The following PHF24 variants were observed in gnomAD, a reference collection of about 807,000 sequenced individuals.
PHF24 encodes Galpha inhibitory interacting protein.
PHF24 carries 25 observed loss-of-function variants against 42.6 expected under a neutral mutation model. That is an observed-to-expected ratio of 0.59 (90% CI 0.43 to 0.82). PHF24 has a LOEUF of 0.82. Ranked by LOEUF, PHF24 falls within the 40% of genes least tolerant of loss-of-function variation. The probability of loss-of-function intolerance (pLI) is 0.00; values close to 1 mark genes in which losing one functional copy is unlikely to be tolerated. For synonymous variants in PHF24, 185 were observed against 204.8 expected (o/e 0.90, Z 0.83); for missense variants, 470 against 538.1 (o/e 0.87, Z 1.25).
the PHF24 span, among the ~76,000 whole-genome samples, chr9:34,831,746 C>T: frequency 6.6e-6 from 1 of 152,184 alleles, no homozygotes; most frequent in Non-Finnish European, 1.5e-5. Context: ...AGGCCCTTCT[C>T]CATTTTCTAC....
the PHF24 span, among the ~76,000 whole-genome samples, chr9:34,936,121 C>T: frequency 0.036 from 5,482 of 151,888 alleles, 160 homozygotes; most frequent in Non-Finnish European, 0.05. Context: ...GATGCCGAGC[C>T]GAAGCTGGAC....
chr9:34,675,231 C>T, the PHF24 span, among the ~76,000 whole-genome samples: 2 of 151,954 alleles, frequency 1.3e-5, no homozygotes, highest in African/African-American at 4.8e-5. Flanking sequence ...AGGGGGCGTC[C>T]AGTGCCTAGG....
chr9:34,751,217 TAGCC>T, the PHF24 span, among the ~76,000 whole-genome samples: 3 of 151,810 alleles, frequency 2.0e-5, no homozygotes, highest in Non-Finnish European at 4.4e-5. Context: ...ATACAAAAAT[TAGCC>T]AGGCATGGTG....
At chr9:34,966,901 C>T (rs1460729276) in intron 1 of PHF24, among the ~76,000 whole-genome samples, 1 of 152,092 alleles carries the variant, frequency 6.6e-6, no homozygotes, top group African/African-American at 2.4e-5. Context: ...AAAAAGAATG[C>T]TCCAATCAAT....
intron 1 of PHF24, among the ~76,000 whole-genome samples, chr9:34,961,601 G>T (rs1358223029): frequency 6.6e-6 from 1 of 152,152 alleles, no homozygotes; most frequent in Non-Finnish European, 1.5e-5. Context: ...GGGAAATTAT[G>T]GCATTACAGA....
the PHF24 span, among the ~76,000 whole-genome samples, chr9:34,822,962 C>T: frequency 4.6e-5 from 7 of 150,806 alleles, no homozygotes; most frequent in East Asian, 5.8e-4. Context: ...TTTGGGAGGC[C>T]GAGGCGGGTG....
chr9:34,688,845 G>C, the PHF24 span, among the ~76,000 whole-genome samples: 1 of 152,226 alleles, frequency 6.6e-6, no homozygotes, highest in African/African-American at 2.4e-5. Flanking sequence ...GTGCCAAGCA[G>C]CATGCTGGAC....
At chr9:34,705,941 A>G in the PHF24 span, among the ~76,000 whole-genome samples, 1 of 152,124 alleles carries the variant, frequency 6.6e-6, no homozygotes, top group Non-Finnish European at 1.5e-5. Flanking sequence ...CGAAGTTATA[A>G]CCACATTCAC....
chr9:34,707,574 C>A, the PHF24 span, among the ~76,000 whole-genome samples: 3 of 152,296 alleles, frequency 2.0e-5, no homozygotes, highest in South Asian at 6.2e-4. Flanking sequence ...CCTGTCTTCA[C>A]CTGCTGCAAG....
the PHF24 span, among the ~76,000 whole-genome samples, chr9:34,911,198 A>G: frequency 2.0e-5 from 3 of 152,082 alleles, no homozygotes; most frequent in African/African-American, 7.2e-5. Flanking sequence ...AAAAAAAACT[A>G]TAAAGTTGTC....
At chr9:34,736,133 G>A in the PHF24 span, among the ~76,000 whole-genome samples, 3 of 151,750 alleles carry the variant, frequency 2.0e-5, no homozygotes, top group African/African-American at 4.8e-5. Flanking sequence ...TATCCGACAC[G>A]AAACAGAAAG....
At chr9:34,894,986 G>C in the PHF24 span, 1 of 398,282 alleles carries the variant, frequency 2.5e-6, no homozygotes, top group African/African-American at 2.1e-5. Flanking sequence ...GTCAGGATCC[G>C]TGGGAACCTC....
At chr9:34,785,409 G>C in the PHF24 span, among the ~76,000 whole-genome samples, 1 of 152,150 alleles carries the variant, frequency 6.6e-6, no homozygotes, top group African/African-American at 2.4e-5. Context: ...ATGAATTTTG[G>C]AGGGGAACCA....
the PHF24 span, among the ~76,000 whole-genome samples, chr9:34,802,817 T>C: frequency 6.6e-6 from 1 of 152,182 alleles, no homozygotes; most frequent in South Asian, 2.1e-4. Context: ...GGCTGCCCAC[T>C]ACAAAACCTC....
the PHF24 span, among the ~76,000 whole-genome samples, chr9:34,928,768 A>G: frequency 6.6e-6 from 1 of 152,180 alleles, no homozygotes; most frequent in African/African-American, 2.4e-5. Flanking sequence ...TGTATCATCC[A>G]GCTTATCTCT....
At chr9:34,930,358 A>G in the PHF24 span, among the ~76,000 whole-genome samples, 3 of 152,212 alleles carry the variant, frequency 2.0e-5, no homozygotes, top group Admixed American at 2.0e-4. Flanking sequence ...ATGGTTTACC[A>G]TCTCTTGTTC....
chr9:34,972,045 A>G (rs1827009855), intron 2 of PHF24, among the ~76,000 whole-genome samples: 1 of 152,202 alleles, frequency 6.6e-6, no homozygotes, highest in African/African-American at 2.4e-5. Flanking sequence ...TGGTACCAAG[A>G]AAAGCAGGGA....
At chr9:34,813,052 C>G in the PHF24 span, among the ~76,000 whole-genome samples, 2 of 152,218 alleles carry the variant, frequency 1.3e-5, no homozygotes, top group East Asian at 1.9e-4. Context: ...AGATACTTTA[C>G]AGTTAACATG....
the PHF24 span, among the ~76,000 whole-genome samples, chr9:34,750,397 T>C: frequency 6.6e-6 from 1 of 151,660 alleles, no homozygotes. Flanking sequence ...GGGTGTGGCA[T>C]GAGAATTGCT....
Sources: allele counts gnomAD v4.1 joint callset (sites outside exome capture counted in the v4.1 genomes callset), GRCh38; gene constraint gnomAD v4.1.1; transcripts MANE v1.5; gene names NCBI Gene and HGNC (gene_info 2026-07-23, HGNC 2026-07-21).